The following KIAA0825 variants were observed in gnomAD, a reference collection of about 807,000 sequenced individuals.
KIAA0825 encodes the protein KIAA0825.
Under a neutral mutation model 147.6 loss-of-function variants are expected in KIAA0825, and 119 were observed. The observed-to-expected ratio is 0.81, with a 90% CI of 0.69 to 0.94. The LOEUF is 0.94. Among genes scored for constraint, KIAA0825 ranks in the 40% least tolerant of loss-of-function variants. The pLI is 0.00. For missense variants in KIAA0825, 1,381 were observed against 1,472.7 expected (o/e 0.94, Z 1.02); for synonymous variants, 470 against 518.1 (o/e 0.91, Z 1.26).
intron 5 of KIAA0825, among the ~76,000 whole-genome samples, chr5:94,499,584 C>CT (rs1350201054): frequency 1.4e-4 from 3 of 22,220 alleles, no homozygotes; most frequent in Non-Finnish European, 2.7e-4. Context: ...ATTTCCCAAT[C>CT]TGGGGGGGGG....
intron 17 of KIAA0825, among the ~76,000 whole-genome samples, chr5:94,392,447 T>C (rs1481698685): frequency 6.6e-6 from 1 of 152,218 alleles, no homozygotes; most frequent in African/African-American, 2.4e-5. Flanking sequence ...ATTATTTACA[T>C]GGTAATAATG....
intron 5 of KIAA0825, among the ~76,000 whole-genome samples, chr5:94,493,213 TGCTTTCCA>T (rs1763932313): frequency 6.6e-6 from 1 of 152,200 alleles, no homozygotes; most frequent in African/African-American, 2.4e-5. Flanking sequence ...CAAGAATAAG[TGCTTTCCA>T]GCTTCCACCT....
chr5:94,249,699 G>A (rs1775842938), intron 20 of KIAA0825, among the ~76,000 whole-genome samples: 1 of 151,726 alleles, frequency 6.6e-6, no homozygotes, highest in African/African-American at 2.4e-5. Context: ...CCTCAGAAAG[G>A]CCTTCCTTTA....
At chr5:94,367,089 A>C (rs543611337) in intron 20 of KIAA0825, among the ~76,000 whole-genome samples, 1 of 152,388 alleles carries the variant, frequency 6.6e-6, no homozygotes, top group East Asian at 1.9e-4. Context: ...CAGTACAAAC[A>C]TGCCAGGGCA....
chr5:94,507,915 T>C (rs1341933498), intron 5 of KIAA0825, among the ~76,000 whole-genome samples: 1 of 152,212 alleles, frequency 6.6e-6, no homozygotes, highest in Non-Finnish European at 1.5e-5. Context: ...CTAGCAATAA[T>C]GTGCTCCTCT....
At chr5:94,435,670 T>C (rs1442984185) in intron 14 of KIAA0825, among the ~76,000 whole-genome samples, 2 of 152,194 alleles carry the variant, frequency 1.3e-5, no homozygotes, top group African/African-American at 2.4e-5. Flanking sequence ...ATGGTATTTC[T>C]GTCTCTAGGT....
At chr5:94,159,132 C>T (rs1175636226) in intron 20 of KIAA0825, among the ~76,000 whole-genome samples, 6 of 152,162 alleles carry the variant, frequency 3.9e-5, no homozygotes, top group Non-Finnish European at 8.8e-5. Context: ...GTTGCAGCTT[C>T]AGCCTTCCTG....
chr5:94,355,955 T>C (rs1336470531), intron 20 of KIAA0825, among the ~76,000 whole-genome samples: 1 of 152,216 alleles, frequency 6.6e-6, no homozygotes, highest in Non-Finnish European at 1.5e-5. Context: ...ACTCAGTGCT[T>C]CTCAAACCTT....
intron 20 of KIAA0825, among the ~76,000 whole-genome samples, chr5:94,199,989 C>A (rs556693585): frequency 6.6e-6 from 1 of 152,272 alleles, no homozygotes; most frequent in South Asian, 2.1e-4. Context: ...CTGGCCCAGT[C>A]CTGCAGGCAT....
At chr5:94,425,426 C>T (rs766529026) in intron 14 of KIAA0825, among the ~76,000 whole-genome samples, 2 of 152,218 alleles carry the variant, frequency 1.3e-5, no homozygotes, top group African/African-American at 2.4e-5. Context: ...TTAGAAAATA[C>T]AGTATCCCTT....
At chr5:94,188,868 T>C (rs1370138705) in intron 20 of KIAA0825, among the ~76,000 whole-genome samples, 1 of 152,202 alleles carries the variant, frequency 6.6e-6, no homozygotes, top group African/African-American at 2.4e-5. Context: ...AAAGTGGCTG[T>C]TCCATTTTTT....
rs180842081 is a variant in KIAA0825, at chr5:94,581,013, A to G, written c.-2+1420T>C. On this transcript the variant is annotated intron_variant, in intron 2 of 20. Transcript: ENST00000682413. ...ATTTTACCAAAAACTCTGCATAACA[A>G]TGCTTTATATAAAGGACTACCAGAT... is the stretch of plus-strand genomic sequence containing the variant. Among the ~76,000 whole-genome samples the G allele has an allele frequency of 2.2e-3, 334 of 151,690 alleles. 4 individuals carry two copies. Among genetic ancestry groups the G allele is most frequent in the African/African-American group, 7.1e-3 (295 of 41,270 alleles).
intron 1 of KIAA0825, chr5:94,593,059 T>C: frequency 1.4e-6 from 1 of 695,656 alleles, no homozygotes; most frequent in Non-Finnish European, 2.7e-6. Context: ...CCATTCTCAA[T>C]TTCTTACTCT....
intron 1 of KIAA0825, among the ~76,000 whole-genome samples, chr5:94,586,347 A>G (rs1783281459): frequency 6.6e-6 from 1 of 152,240 alleles, no homozygotes; most frequent in South Asian, 2.1e-4. Flanking sequence ...ATAAAAAATG[A>G]TAAAGGGGAT....
intron 14 of KIAA0825, among the ~76,000 whole-genome samples, chr5:94,432,127 C>T (rs763195675): frequency 1.3e-4 from 20 of 152,146 alleles, no homozygotes; most frequent in Non-Finnish European, 2.1e-4. Flanking sequence ...CAATATGTTA[C>T]GAGGACAAGC....
intron 1 of KIAA0825, among the ~76,000 whole-genome samples, chr5:94,611,700 C>T (rs1788844432): frequency 6.7e-6 from 1 of 149,418 alleles, no homozygotes; most frequent in Non-Finnish European, 1.5e-5. Context: ...AATCCCAGCA[C>T]TTTGGGAGGC....
chr5:94,473,314 T>G lies in KIAA0825; in HGVS notation c.1433A>C (p.Glu478Ala). ...WQDSHMFPEE[E>A]QPKKIGKFCS... ...TGCTTTTCCAATTTTCTTTGGTTGT[T>G]CCTCCTCAGGAAACATATGGCTGTC... The change falls in exon 8 of 21, where the codon GAA (glutamate) becomes GCA (alanine). Residue 478 changes from glutamate (E) to alanine (A), a missense_variant. By Grantham distance (107) the Glu-to-Ala change is moderately radical. Transcript: ENST00000682413. The G allele has an allele frequency of 4.5e-6, 7 of 1,551,752 alleles. No homozygotes were observed. Among genetic ancestry groups the G allele is most frequent in the Non-Finnish European group, 6.1e-6 (7 of 1,146,988 alleles).
At chr5:94,618,066 T>G (rs1479502969) in intron 1 of KIAA0825, 2 of 152,252 alleles carry the variant, frequency 1.3e-5, no homozygotes, top group African/African-American at 4.8e-5. Context: ...TTCCTAAATG[T>G]TTGTAAAAGA....
intron 20 of KIAA0825, among the ~76,000 whole-genome samples, chr5:94,257,430 G>A (rs1220326530): frequency 2.0e-5 from 3 of 152,086 alleles, no homozygotes; most frequent in Non-Finnish European, 4.4e-5. Context: ...AAGATCAGAT[G>A]TTAGAGAAAT....
Sources: allele counts gnomAD v4.1 joint callset (sites outside exome capture counted in the v4.1 genomes callset), GRCh38; gene constraint gnomAD v4.1.1; transcripts MANE v1.5; gene names NCBI Gene and HGNC (gene_info 2026-07-23, HGNC 2026-07-21).